The following THSD4 variants were observed in gnomAD, a reference collection of about 807,000 sequenced individuals.
The protein encoded by THSD4 is thrombospondin type-1 domain-containing protein 4.
In THSD4, 69 loss-of-function variants were observed where a neutral mutation model predicts 119.0. That is an observed-to-expected ratio of 0.58 (90% CI 0.48 to 0.71). THSD4 has a LOEUF of 0.71. Among genes scored for constraint, THSD4 ranks in the 30% least tolerant of loss-of-function variants. The pLI is 0.00. For missense variants in THSD4, 1,393 were observed against 1,391.1 expected, an observed-to-expected ratio of 1.00 and a Z score of -0.02; for synonymous variants, 524 against 540.4, an observed-to-expected ratio of 0.97 and a Z score of 0.42.
At chr15:71,111,787 A>G (rs2141344731), upstream of THSD4, 2 of 519,692 alleles carry the variant, frequency 3.8e-6, no homozygotes, top group East Asian at 3.1e-5. Flanking sequence ...CTGCTGGGAC[A>G]CAATTCTCTG....
chr15:71,443,765 T>C (rs2047142872), intron 7 of THSD4, among the ~76,000 whole-genome samples: 1 of 152,246 alleles, frequency 6.6e-6, no homozygotes, highest in Admixed American at 6.5e-5. Context: ...CTCTACAACA[T>C]ACATTGCTTC....
At chr15:71,703,968 G>C (rs2052344468) in intron 8 of THSD4, among the ~76,000 whole-genome samples, 1 of 152,146 alleles carries the variant, frequency 6.6e-6, no homozygotes, top group Admixed American at 6.5e-5. Flanking sequence ...TTCTGCCTCA[G>C]CCTCCCGAGT....
At chr15:71,752,647 G>A (rs1567136370) in intron 14 of THSD4, among the ~76,000 whole-genome samples, 1 of 152,176 alleles carries the variant, frequency 6.6e-6, no homozygotes. Flanking sequence ...ATTTGACCCT[G>A]AGCCAGCTAC....
intron 7 of THSD4, among the ~76,000 whole-genome samples, chr15:71,503,560 C>T (rs1476043813): frequency 1.3e-5 from 2 of 152,112 alleles, no homozygotes; most frequent in East Asian, 1.9e-4. Context: ...ACAAGTGTCC[C>T]GTCACTGCAG....
intron 6 of THSD4, among the ~76,000 whole-genome samples, chr15:71,336,407 G>A (rs1003467560): frequency 1.3e-5 from 2 of 152,178 alleles, no homozygotes; most frequent in Admixed American, 6.5e-5. Context: ...TTTCTAATTA[G>A]CAATATTTAA....
chr15:71,624,116 A>G (rs959969976), intron 7 of THSD4, among the ~76,000 whole-genome samples: 15 of 152,172 alleles, frequency 9.9e-5, no homozygotes, highest in East Asian at 3.9e-4. Context: ...ATCAGGTCCA[A>G]CAGATAACTT....
At chr15:71,216,704 G>C (rs892602137) in intron 4 of THSD4, among the ~76,000 whole-genome samples, 6 of 152,216 alleles carry the variant, frequency 3.9e-5, no homozygotes, top group African/African-American at 1.4e-4. Flanking sequence ...ATGGGAACCT[G>C]AGCACCCTCT....
At chr15:71,421,439 A>T (rs2046806248) in intron 7 of THSD4, among the ~76,000 whole-genome samples, 1 of 152,176 alleles carries the variant, frequency 6.6e-6, no homozygotes, top group Non-Finnish European at 1.5e-5. Context: ...CGCCAGATAT[A>T]CTATTCTATG....
chr15:71,506,604 A>G (rs947487633), intron 7 of THSD4, among the ~76,000 whole-genome samples: 1 of 152,252 alleles, frequency 6.6e-6, no homozygotes, highest in Non-Finnish European at 1.5e-5. Flanking sequence ...ACAAGGTTAT[A>G]GAAATCCATG....
chr15:71,351,483 T>C (rs1383841613), intron 6 of THSD4, among the ~76,000 whole-genome samples: 2 of 152,238 alleles, frequency 1.3e-5, no homozygotes, highest in South Asian at 2.1e-4. Context: ...TCTCAAATTA[T>C]GGATTTCATC....
chr15:71,478,387 C>T (rs1277158281), intron 7 of THSD4, among the ~76,000 whole-genome samples: 1 of 152,112 alleles, frequency 6.6e-6, no homozygotes, highest in Non-Finnish European at 1.5e-5. Context: ...ATAACTTATG[C>T]AGAATTATAT....
intron 7 of THSD4, among the ~76,000 whole-genome samples, chr15:71,543,921 G>A (rs886728642): frequency 1.3e-5 from 2 of 152,158 alleles, no homozygotes; most frequent in African/African-American, 2.4e-5. Flanking sequence ...CCAGCTACTC[G>A]GGAGGCTGAG....
chr15:71,552,795 C>T lies in THSD4; in HGVS notation c.1153-107735C>T, dbSNP rs938617021. On this transcript the variant is annotated intron_variant, in intron 7 of 17. Transcript: ENST00000261862. ...CCGAGTAGCTGGGATTACAGGTGCC[C>T]GCCACCATGCTGGCTAATTTTTGTA... is the stretch of plus-strand genomic sequence containing the variant. Among the ~76,000 whole-genome samples the T allele has an allele frequency of 1.1e-4, 16 of 152,136 alleles. No homozygotes were observed. In the Middle Eastern group the frequency reaches 0.01, roughly 97 times the overall value.
At chr15:71,109,490 C>T (rs1319034742) in intron 1 of THSD4, among the ~76,000 whole-genome samples, 2 of 152,142 alleles carry the variant, frequency 1.3e-5, no homozygotes, top group Non-Finnish European at 2.9e-5. Context: ...CTGGAAGGGG[C>T]TATACAAGTT....
At chr15:71,727,989 G>A (rs998377666) in intron 8 of THSD4, among the ~76,000 whole-genome samples, 3 of 152,076 alleles carry the variant, frequency 2.0e-5, no homozygotes, top group Admixed American at 1.3e-4. Context: ...GGCTCCAGCC[G>A]ATTGCTGCCA....
rs1304069213 is a variant in THSD4 at position 71,420,659 on chromosome 15, C to A, written c.1152+8836C>A. Among the ~76,000 whole-genome samples, 3 of 106,486 alleles carry A rather than the reference C, an allele frequency of 2.8e-5. 1 individual carries two copies. Among genetic ancestry groups the A allele is most frequent in the Non-Finnish European group, 6.2e-5 (3 of 48,740 alleles). 69.9% of individuals were successfully genotyped at this position (106,486 alleles called of 152,430 possible). ...TGTTCTATGTTTTTTGGTTTGGTTA[C>A]CATGAGGCTTGCAAATAATACAGTT... On this transcript the variant is annotated intron_variant, in intron 7 of 17. Coordinates refer to ENST00000261862, the MANE Select transcript of THSD4 (RefSeq NM_024817.3).
intron 17 of THSD4, among the ~76,000 whole-genome samples, chr15:71,773,200 CAAAA>C (rs5813665): frequency 1.8e-5 from 1 of 54,060 alleles, no homozygotes. Context: ...GACCATGTCT[CAAAA>C]AAAAAAAAAA....
intron 8 of THSD4, among the ~76,000 whole-genome samples, chr15:71,682,730 A>G (rs2051810332): frequency 6.6e-6 from 1 of 152,106 alleles, no homozygotes; most frequent in Non-Finnish European, 1.5e-5. Context: ...GCTAAGTCAC[A>G]TACTTACCAT....
chr15:71,450,792 A>G (rs981925773), intron 7 of THSD4, among the ~76,000 whole-genome samples: 1 of 152,212 alleles, frequency 6.6e-6, no homozygotes, highest in Non-Finnish European at 1.5e-5. Context: ...ATTTAATTAT[A>G]TAAGTACACA....
Sources: gnomAD v4.1 joint callset for allele counts (sites outside exome capture counted in the v4.1 genomes callset) on GRCh38, gnomAD v4.1.1 for gene constraint, MANE v1.5 for transcripts, NCBI Gene and HGNC (gene_info 2026-07-23, HGNC 2026-07-21) for gene names.